The following BCR variants were observed in gnomAD, a reference collection of about 807,000 sequenced individuals.
BCR encodes BCR activator of RhoGEF and GTPase, also known as breakpoint cluster region protein.
BCR carries 58 observed loss-of-function variants against 138.6 expected under a neutral mutation model. The observed-to-expected ratio is 0.42, with a 90% CI of 0.34 to 0.52. The LOEUF (loss-of-function observed/expected upper bound fraction) is 0.52. Among genes scored for constraint, BCR ranks in the 20% least tolerant of loss-of-function variants. BCR has a pLI of 0.06. For synonymous variants in BCR, 786 were observed against 730.1 expected, an observed-to-expected ratio of 1.08 and a Z score of -1.23; for missense variants, 1,599 against 1,727.2, an observed-to-expected ratio of 0.93 and a Z score of 1.32.
At chr22:23,214,927 G>A (rs1044724465) in intron 1 of BCR, among the ~76,000 whole-genome samples, 1 of 152,118 alleles carries the variant, frequency 6.6e-6, no homozygotes, top group African/African-American at 2.4e-5. Context: ...TCCATCTCCA[G>A]AACTTTTTCA....
chr22:23,282,711 A>G (rs1379045077), intron 8 of BCR, among the ~76,000 whole-genome samples: 1 of 152,166 alleles, frequency 6.6e-6, no homozygotes, highest in African/African-American at 2.4e-5. Flanking sequence ...CGAGATGAGG[A>G]CAGGTGCACC....
chr22:23,271,733 G>A, intron 6 of BCR, 141 bp downstream of exon 6: 2 of 793,698 alleles, frequency 2.5e-6, no homozygotes, highest in Non-Finnish European at 4.1e-6. Context: ...AGATAGAGTG[G>A]GCACGAGGAA....
At chr22:23,219,022 C>G (rs1602027109) in intron 1 of BCR, among the ~76,000 whole-genome samples, 2 of 152,210 alleles carry the variant, frequency 1.3e-5, no homozygotes, top group Non-Finnish European at 1.5e-5. Context: ...AGAAGGCCTG[C>G]GCTTCCAGCC....
At position 23,253,988 on chromosome 22, in the gene BCR, C is replaced by G. The variant is rs1337797816; in HGVS notation, c.1461+8C>G. The G allele has an allele frequency of 1.2e-6, 2 of 1,607,478 alleles. No individual in the cohort carries two copies. Among genetic ancestry groups the G allele is most frequent in the African/African-American group, 1.3e-5 (1 of 74,796 alleles). On this transcript the variant is annotated splice_region_variant and intron_variant, in intron 2 of 22. Transcript: ENST00000305877. ...CTGGAGTCCACTAAAGCGGTGAGTCCCCATGGTGTACGTGTGGCAGGAGGG... is the reference window on the plus strand; with the variant it reads ...CTGGAGTCCACTAAAGCGGTGAGTCGCCATGGTGTACGTGTGGCAGGAGGG...
At chr22:23,199,459 G>T (rs1055689568) in intron 1 of BCR, 9 of 389,224 alleles carry the variant, frequency 2.3e-5, no homozygotes, top group African/African-American at 1.9e-4. Flanking sequence ...TGGCGGGCTG[G>T]GAGAGGTGCT....
intron 8 of BCR, 80 bp downstream of exon 8, chr22:23,273,854 G>T (rs2146289302): frequency 6.3e-7 from 1 of 1,579,440 alleles, no homozygotes. Flanking sequence ...CTGAGGTCTG[G>T]AGCCCTTCCT....
chr22:23,231,974 A>G (rs1602042791), intron 1 of BCR, among the ~76,000 whole-genome samples: 1 of 152,150 alleles, frequency 6.6e-6, no homozygotes, highest in African/African-American at 2.4e-5. Context: ...AGCCTGTCCC[A>G]AGGCAGCTCA....
chr22:23,210,563 G>T (rs994521992), intron 1 of BCR, among the ~76,000 whole-genome samples: 1 of 152,168 alleles, frequency 6.6e-6, no homozygotes, highest in Non-Finnish European at 1.5e-5. Flanking sequence ...GTGTGACAGC[G>T]TTCTGTAGCC....
At chr22:23,236,747 G>C (rs942377729) in intron 1 of BCR, among the ~76,000 whole-genome samples, 3 of 152,246 alleles carry the variant, frequency 2.0e-5, no homozygotes, top group Middle Eastern at 3.2e-3. Flanking sequence ...GCCTGCCCTG[G>C]AGGTAAAGAG....
chr22:23,199,209 A>G, intron 1 of BCR: 1 of 485,272 alleles, frequency 2.1e-6, no homozygotes, highest in Middle Eastern at 3.3e-4. Context: ...GCATTTCTTT[A>G]GTGGCCAGAT....
At chr22:23,287,904 A>T (rs1270151560) in intron 11 of BCR, among the ~76,000 whole-genome samples, 193 bp from the exon 12 acceptor site, 1 of 152,184 alleles carries the variant, frequency 6.6e-6, no homozygotes, top group African/African-American at 2.4e-5. Flanking sequence ...GGTGTGCCAG[A>T]GGTGCTGTGG....
At chr22:23,200,360 A>G (rs2146208879) in intron 1 of BCR, among the ~76,000 whole-genome samples, 1 of 152,172 alleles carries the variant, frequency 6.6e-6, no homozygotes, top group Admixed American at 6.5e-5. Context: ...TCCGCTGCCC[A>G]GGCTGGTGCA....
At chr22:23,254,359 G>A (rs970095344) in intron 2 of BCR, among the ~76,000 whole-genome samples, 1 of 152,168 alleles carries the variant, frequency 6.6e-6, no homozygotes, top group African/African-American at 2.4e-5. Context: ...ACCAAAGCGT[G>A]TGCTGAGGAT....
chr22:23,255,923 AGG>A (rs560208732), intron 2 of BCR, among the ~76,000 whole-genome samples: 55 of 152,266 alleles, frequency 3.6e-4, no homozygotes, highest in African/African-American at 1.3e-3. Context: ...TCTGAAGAGG[AGG>A]GGATTTGATT....
In BCR at chr22:23,181,299, C is replaced by A; in HGVS notation, c.339C>A (p.Pro113=). 1 of 1,342,090 alleles carries A rather than the reference C, an allele frequency of 7.5e-7. No individual in the cohort carries two copies. The highest frequency in any genetic ancestry group is 9.6e-7 in the Non-Finnish European group (1 of 1,043,974). The allele number at this position is 1,342,090 out of a possible 1,614,324, so 83.1% of individuals were successfully genotyped here. Residue 113 remains proline, a synonymous_variant, in exon 1 of 23, where the codon CCC becomes CCA. Coordinates refer to ENST00000305877, the MANE Select transcript of BCR (RefSeq NM_004327.4). The part of the protein sequence containing the change: ...DGADPPPAEE[P]EARPDGEGSP... The stretch of plus-strand genomic sequence containing the variant: ...CCGACCCGCCGCCCGCCGAGGAGCC[C>A]GAGGCCCGGCCCGACGGCGAGGGTT...
chr22:23,233,575 G>T (rs902594598), intron 1 of BCR, among the ~76,000 whole-genome samples: 5 of 152,098 alleles, frequency 3.3e-5, no homozygotes, highest in African/African-American at 1.2e-4. Context: ...ATCATTTGAG[G>T]TCAAGAGTTC....
intron 8 of BCR, among the ~76,000 whole-genome samples, chr22:23,280,528 G>T (rs767375514): frequency 6.6e-6 from 1 of 152,210 alleles, no homozygotes; most frequent in Non-Finnish European, 1.5e-5. Context: ...CCCGTGTGAG[G>T]CCCTGCAGGT....
chr22:23,312,107 C>G (rs955317177), intron 19 of BCR, among the ~76,000 whole-genome samples: 1 of 152,216 alleles, frequency 6.6e-6, no homozygotes, highest in African/African-American at 2.4e-5. Context: ...TGGGGTTGGA[C>G]AGGAGGTGGA....
chr22:23,247,424 G>GC (rs1185034095), intron 1 of BCR, among the ~76,000 whole-genome samples: 1 of 152,176 alleles, frequency 6.6e-6, no homozygotes, highest in Non-Finnish European at 1.5e-5. Context: ...TCCTCCCAGT[G>GC]CCCCTTTCTT....
Sources: gnomAD v4.1 joint callset for allele counts (sites outside exome capture counted in the v4.1 genomes callset) on GRCh38, gnomAD v4.1.1 for gene constraint, MANE v1.5 for transcripts, NCBI Gene and HGNC (gene_info 2026-07-23, HGNC 2026-07-21) for gene names.